RNFT2: variants seen among roughly 807,000 people sequenced by gnomAD.
RNFT2 encodes E3 ubiquitin-protein ligase RNFT2.
RNFT2 carries 36 observed loss-of-function variants against 53.0 expected under a neutral mutation model. The observed-to-expected ratio is 0.68, with a 90% CI of 0.52 to 0.90. The LOEUF (loss-of-function observed/expected upper bound fraction) is 0.90. Among genes scored for constraint, RNFT2 ranks in the 40% least tolerant of loss-of-function variants. The pLI, the probability that RNFT2 is intolerant of heterozygous loss-of-function variation, is 0.00. For synonymous variants in RNFT2, 260 were observed against 253.2 expected, an observed-to-expected ratio of 1.03 and a Z score of -0.26; for missense variants, 514 against 585.6, an observed-to-expected ratio of 0.88 and a Z score of 1.26.
intron 7 of RNFT2, among the ~76,000 whole-genome samples, chr12:116,806,739 C>A (rs1241133340): frequency 5.6e-5 from 8 of 143,352 alleles, no homozygotes; most frequent in Non-Finnish European, 1.2e-4. Context: ...ACAAGAGACC[C>A]TCTCTCAAAA....
rs137919437 is a variant in RNFT2, at chr12:116,769,283, G to A, written c.728+2369G>A. Among the ~76,000 whole-genome samples the A allele has an allele frequency of 6.6e-5, 10 of 152,224 alleles. No individual in the cohort carries two copies. The East Asian group carries it at 1.4e-3, about 21-fold the overall frequency. On this transcript the variant is annotated intron_variant, in intron 6 of 10. Coordinates refer to ENST00000257575, the MANE Select transcript of RNFT2 (RefSeq NM_001382266.1). ...CTGAGCCAGAGAATTGCTTGGACCC[G>A]GGAGGCAGAGGTTGCAGTGAGCCGT... is the stretch of plus-strand genomic sequence containing the variant.
chr12:116,802,930 A>C (rs1874869379), intron 7 of RNFT2, among the ~76,000 whole-genome samples: 1 of 147,974 alleles, frequency 6.8e-6, no homozygotes, highest in Admixed American at 6.7e-5. Flanking sequence ...CTCTGTCTCT[A>C]CCAAAAAAAA....
At chr12:116,787,349 T>C (rs558294380) in intron 7 of RNFT2, among the ~76,000 whole-genome samples, 2 of 152,344 alleles carry the variant, frequency 1.3e-5, no homozygotes, top group South Asian at 4.1e-4. Context: ...AGTCGCTTAA[T>C]GTGAGCATTT....
intron 4 of RNFT2, 66 bp from the exon 5 acceptor site, chr12:116,753,918 G>GGGGGAATGAACTTA: frequency 8.0e-7 from 1 of 1,251,830 alleles, no homozygotes; most frequent in South Asian, 1.2e-5. Context: ...CCCCCATGTT[G>GGGGGAATGAACTTA]CTCAGCACCT....
intron 10 of RNFT2, among the ~76,000 whole-genome samples, chr12:116,838,156 C>A (rs1447323122): frequency 6.6e-6 from 1 of 152,074 alleles, no homozygotes; most frequent in Non-Finnish European, 1.5e-5. Context: ...TATGAATAGA[C>A]CAGTTTGTTT....
chr12:116,778,722 G>C (rs953165292), intron 6 of RNFT2, among the ~76,000 whole-genome samples: 1 of 152,186 alleles, frequency 6.6e-6, no homozygotes, highest in Admixed American at 6.5e-5. Context: ...GAGTTGGCAG[G>C]TGCCTGTAAT....
chr12:116,848,389 C>T (rs1351629255), intron 10 of RNFT2, among the ~76,000 whole-genome samples: 1 of 152,134 alleles, frequency 6.6e-6, no homozygotes, highest in Admixed American at 6.6e-5. Context: ...ACCTAGAAGG[C>T]GGAGGGATCG....
intron 10 of RNFT2, among the ~76,000 whole-genome samples, chr12:116,840,483 G>A (rs2137213044): frequency 6.6e-6 from 1 of 152,308 alleles, no homozygotes; most frequent in East Asian, 1.9e-4. Context: ...CAAGATCAGA[G>A]CACTTTTTCC....
At chr12:116,756,472 A>T (rs1241847172) in intron 5 of RNFT2, among the ~76,000 whole-genome samples, 1 of 152,154 alleles carries the variant, frequency 6.6e-6, no homozygotes, top group Admixed American at 6.6e-5. Context: ...GGTTTATCAT[A>T]GATGGCTTTT....
At chr12:116,816,100 C>T (rs945795263) in intron 7 of RNFT2, among the ~76,000 whole-genome samples, 3 of 152,176 alleles carry the variant, frequency 2.0e-5, no homozygotes, top group African/African-American at 7.2e-5. Context: ...CCACCTGGGA[C>T]CAGGACAGAG....
intron 7 of RNFT2, among the ~76,000 whole-genome samples, chr12:116,800,843 TAA>T (rs1442483577): frequency 1.4e-5 from 2 of 147,986 alleles, no homozygotes; most frequent in South Asian, 2.1e-4. Context: ...TAAAATAAAA[TAA>T]AATAAAATAA....
intron 6 of RNFT2, among the ~76,000 whole-genome samples, chr12:116,778,249 C>G (rs1873524232): frequency 6.6e-6 from 1 of 152,142 alleles, no homozygotes; most frequent in African/African-American, 2.4e-5. Context: ...GAAATTTGAT[C>G]CCCAATGATG....
At chr12:116,753,155 T>TC (rs1872334908) in intron 4 of RNFT2, among the ~76,000 whole-genome samples, 1 of 136,922 alleles carries the variant, frequency 7.3e-6, no homozygotes, top group African/African-American at 2.8e-5. Context: ...TTTCTTTTTT[T>TC]TTTTTTTTTT....
intron 10 of RNFT2, among the ~76,000 whole-genome samples, chr12:116,839,103 C>T (rs1877119218): frequency 1.3e-5 from 2 of 152,220 alleles, no homozygotes; most frequent in Admixed American, 1.3e-4. Context: ...AGTCACGTCC[C>T]TGGCTATATG....
Position 116,749,886 on chromosome 12 carries a change from T to C in RNFT2, c.129T>C (p.Gly43=), listed in dbSNP as rs1356967434. 6.3e-7 allele frequency: 1 copy of C among 1,589,578 alleles called. No individual in the cohort carries two copies. The highest frequency in any genetic ancestry group is 8.6e-7 in the Non-Finnish European group (1 of 1,167,998). ...GCTCCGAGGCGAGTGTGGATGAAGG[T>C]GGCGTCTTTGAGAGTCTGAAGGCAG... ...ALSSEASVDE[G]GVFESLKAEA... is the part of the protein sequence containing the mutation. Residue 43 remains glycine, a synonymous_variant, in exon 4 of 11, where the codon GGT becomes GGC. Coordinates refer to ENST00000257575, the MANE Select transcript of RNFT2 (RefSeq NM_001382266.1).
At chr12:116,748,020 A>G (rs758770855) in intron 3 of RNFT2, among the ~76,000 whole-genome samples, 1 of 152,014 alleles carries the variant, frequency 6.6e-6, no homozygotes, top group African/African-American at 2.4e-5. Flanking sequence ...GTGAAACCCT[A>G]TCTCTCTAAA....
At chr12:116,812,451 A>T (rs1345255562) in intron 7 of RNFT2, among the ~76,000 whole-genome samples, 2 of 152,036 alleles carry the variant, frequency 1.3e-5, no homozygotes, top group African/African-American at 4.8e-5. Flanking sequence ...TACTGAAAGC[A>T]GACTTGTCAC....
chr12:116,849,412 G>T lies in RNFT2; in HGVS notation c.1299G>T (p.Lys433Asn). ...SVAVDTLRCW[K>N]DGATSAHFQV... The stretch of plus-strand genomic sequence containing the variant: ...CCGTGGACACCCTGCGCTGCTGGAA[G>T]GACGGCGCCACGTCCGCACACTTCC... The change falls in exon 11 of 11, where the codon AAG (lysine) becomes AAT (asparagine). Residue 433 changes from lysine (K) to asparagine (N), a missense_variant. Physicochemically the swap from Lys to Asn is moderately conservative, Grantham distance 94. Around this residue, in one of 3 missense-constraint regions of RNFT2, gnomAD observed 273 missense variants for 334.4 expected, o/e 0.82. Coordinates refer to ENST00000257575, the MANE Select transcript of RNFT2 (RefSeq NM_001382266.1). The T allele has an allele frequency of 6.3e-7, 1 of 1,585,864 alleles. No homozygotes were observed. The highest frequency in any genetic ancestry group is 8.5e-7 in the Non-Finnish European group (1 of 1,169,890).
chr12:116,754,150 C>T (rs1872385590), intron 5 of RNFT2, 90 bp downstream of exon 5: 2 of 1,005,104 alleles, frequency 2.0e-6, no homozygotes, highest in African/African-American at 1.6e-5. Flanking sequence ...CTCCAGAGTT[C>T]ATTGTATCAT....
Sources: allele counts gnomAD v4.1 joint callset (sites outside exome capture counted in the v4.1 genomes callset), GRCh38; gene constraint gnomAD v4.1.1; regional missense constraint gnomAD v4.1.1; transcripts MANE v1.5; gene names NCBI Gene and HGNC (gene_info 2026-07-23, HGNC 2026-07-21).